The following ALPL variants were observed in gnomAD, a reference collection of about 807,000 sequenced individuals.
ALPL encodes the protein alkaline phosphatase, tissue-nonspecific isozyme.
Under a neutral mutation model 51.3 loss-of-function variants are expected in ALPL, and 42 were observed. The observed-to-expected ratio is 0.82, with a 90% CI of 0.64 to 1.06. The LOEUF (loss-of-function observed/expected upper bound fraction) is 1.06, where lower values mean the gene tolerates loss of function less well. Ranked by LOEUF, ALPL falls within the 50% of genes least tolerant of loss-of-function variation. The pLI, the probability that ALPL is intolerant of heterozygous loss-of-function variation, is 0.00. For missense variants in ALPL, 589 were observed against 709.4 expected, an observed-to-expected ratio of 0.83 and a Z score of 1.93; for synonymous variants, 279 against 296.4, an observed-to-expected ratio of 0.94 and a Z score of 0.60.
At chr1:21,519,359 CTT>C (rs1463877318) in intron 1 of ALPL, among the ~76,000 whole-genome samples, 9 of 152,232 alleles carry the variant, frequency 5.9e-5, no homozygotes, top group African/African-American at 2.2e-4. Context: ...GCCTCTGCGT[CTT>C]TCTCTCAGCT....
chr1:21,513,317 G>A (rs1397475614), intron 1 of ALPL, among the ~76,000 whole-genome samples: 1 of 152,098 alleles, frequency 6.6e-6, no homozygotes, highest in African/African-American at 2.4e-5. Context: ...TCTTTCCAAA[G>A]GCAACCACTC....
intron 8 of ALPL, 62 bp from the exon 9 acceptor site, chr1:21,573,603 T>G: frequency 6.2e-7 from 1 of 1,601,420 alleles, no homozygotes; most frequent in African/African-American, 1.3e-5. Flanking sequence ...CCAGCTTCCT[T>G]GGAGTCCTCC....
chr1:21,514,698 A>G (rs1440950823), intron 1 of ALPL, among the ~76,000 whole-genome samples: 2 of 152,078 alleles, frequency 1.3e-5, no homozygotes, highest in African/African-American at 4.8e-5. Flanking sequence ...AGACTGATTG[A>G]TTGTCGATTG....
intron 1 of ALPL, among the ~76,000 whole-genome samples, chr1:21,542,862 C>G (rs974411189): frequency 6.6e-6 from 1 of 151,948 alleles, no homozygotes; most frequent in Non-Finnish European, 1.5e-5. Flanking sequence ...CAAAAAAATA[C>G]AGCTTCCAGC....
At chr1:21,544,897 G>GGTTTT (rs746985292) in intron 1 of ALPL, among the ~76,000 whole-genome samples, 32 of 151,656 alleles carry the variant, frequency 2.1e-4, no homozygotes, top group Non-Finnish European at 4.1e-4. Context: ...GCTAAAACCA[G>GGTTTT]GTTTTGTTTT....
At chr1:21,547,412 C>T (rs1644267018) in intron 1 of ALPL, among the ~76,000 whole-genome samples, 1 of 152,184 alleles carries the variant, frequency 6.6e-6, no homozygotes, top group South Asian at 2.1e-4. Context: ...AGATGGCCCT[C>T]CTGTCCCCCA....
chr1:21,510,283 A>G (rs923216160), intron 1 of ALPL, among the ~76,000 whole-genome samples: 3 of 151,772 alleles, frequency 2.0e-5, no homozygotes, highest in Admixed American at 6.6e-5. Context: ...AGCCTCCCCC[A>G]CTCCCCATTG....
At chr1:21,540,003 A>G (rs911429991) in intron 1 of ALPL, among the ~76,000 whole-genome samples, 1 of 152,086 alleles carries the variant, frequency 6.6e-6, no homozygotes, top group Non-Finnish European at 1.5e-5. Flanking sequence ...TGGGCCGGCC[A>G]TGTCTCCTAG....
At chr1:21,569,628 C>T (rs16825595) in intron 7 of ALPL, among the ~76,000 whole-genome samples, 27,879 of 152,064 alleles carry the variant, frequency 0.18, 3,142 homozygotes, top group East Asian at 0.45. Context: ...CCCACAACAG[C>T]CCCTGAGGCT....
rs754134277 is a variant in ALPL at position 21,575,961 on chromosome 1, T to A, written c.1189+37T>A. The A allele has an allele frequency of 3.1e-6, 5 of 1,611,758 alleles. No individual in the cohort carries two copies. In the South Asian group the frequency reaches 4.4e-5, roughly 14 times the overall value. ...TTCTTTGGGGTGGACACTCCTGGGG[T>A]CTCCTGTCTACCCACCTGGGAGCAG... On this transcript the variant is annotated intron_variant, in intron 10 of 11. Transcript: ENST00000374840.
At chr1:21,567,219 A>G (rs1644577814) in intron 6 of ALPL, among the ~76,000 whole-genome samples, 1 of 152,214 alleles carries the variant, frequency 6.6e-6, no homozygotes, top group Non-Finnish European at 1.5e-5. Flanking sequence ...CCAAGGTGTC[A>G]GCCAGGGGCA....
intron 1 of ALPL, among the ~76,000 whole-genome samples, chr1:21,540,787 C>T (rs917704467): frequency 2.0e-4 from 31 of 152,144 alleles, no homozygotes; most frequent in African/African-American, 6.8e-4. Flanking sequence ...GCCTGGTGCT[C>T]GACCCACCCC....
intron 1 of ALPL, among the ~76,000 whole-genome samples, chr1:21,526,637 G>C (rs1272056871): frequency 6.6e-6 from 1 of 152,034 alleles, no homozygotes; most frequent in Non-Finnish European, 1.5e-5. Flanking sequence ...TCACTTAATT[G>C]ATGGTCACAG....
intron 5 of ALPL, 71 bp downstream of exon 5, chr1:21,563,355 G>A (rs1168959907): frequency 1.3e-6 from 2 of 1,518,690 alleles, no homozygotes; most frequent in Admixed American, 2.1e-5. Flanking sequence ...TTCTGACTGT[G>A]TCATGGGAAG....
intron 7 of ALPL, among the ~76,000 whole-genome samples, chr1:21,569,342 G>A (rs191511023): frequency 1.4e-3 from 206 of 152,260 alleles, no homozygotes; most frequent in African/African-American, 4.0e-3. Context: ...GGGAGAGAGC[G>A]TCTACACCAT....
chr1:21,571,711 C>T (rs114055940), intron 8 of ALPL, among the ~76,000 whole-genome samples: 3,350 of 151,322 alleles, frequency 0.022, 118 homozygotes, highest in African/African-American at 0.078. Flanking sequence ...AAACTTAGGC[C>T]AGGTGCAATG....
At chr1:21,542,762 C>T (rs56015607) in intron 1 of ALPL, among the ~76,000 whole-genome samples, 2 of 152,132 alleles carry the variant, frequency 1.3e-5, no homozygotes, top group Non-Finnish European at 2.9e-5. Context: ...CGCTTGAACT[C>T]TGAAGGCGGA....
intron 1 of ALPL, among the ~76,000 whole-genome samples, chr1:21,511,507 T>C (rs1291047485): frequency 6.6e-6 from 1 of 152,204 alleles, no homozygotes; most frequent in Non-Finnish European, 1.5e-5. Flanking sequence ...GAAAATGCAA[T>C]GCGGAGACTG....
chr1:21,574,160 T>C lies in ALPL; in HGVS notation c.997+361T>C, dbSNP rs116907127. Reference sequence around the variant, plus strand: ...CGCAGGCCCCGGCTTTCCCACGCTGTGTGCTGATGTTCCCAGGCTCTTTCA... The same window carrying C: ...CGCAGGCCCCGGCTTTCCCACGCTGCGTGCTGATGTTCCCAGGCTCTTTCA... On this transcript the variant is annotated intron_variant, in intron 9 of 11. Transcript: ENST00000374840. 151 of 985,476 alleles carry C rather than the reference T, an allele frequency of 1.5e-4. No individual in the cohort carries two copies. The East Asian group carries it at 0.013, about 87-fold the overall frequency. 61.0% of individuals were successfully genotyped at this position (985,476 alleles called of 1,614,324 possible). A position where few individuals can be genotyped will look rare whatever the true frequency, so the allele number is the denominator to read the frequency against.
Sources: gnomAD v4.1 joint callset for allele counts (sites outside exome capture counted in the v4.1 genomes callset) on GRCh38, gnomAD v4.1.1 for gene constraint, MANE v1.5 for transcripts, NCBI Gene and HGNC (gene_info 2026-07-23, HGNC 2026-07-21) for gene names.